Variants in LY96 observed in about 807,000 individuals in gnomAD.
LY96 encodes the protein myeloid differentiation protein-2.
In LY96, 18 loss-of-function variants were observed where a neutral mutation model predicts 18.9. The observed-to-expected ratio is 0.95, with a 90% CI of 0.66 to 1.41. The LOEUF (loss-of-function observed/expected upper bound fraction) is 1.41. Ranked by LOEUF, LY96 falls within the 40% of genes most tolerant of loss-of-function variation. The pLI, the probability that LY96 is intolerant of heterozygous loss-of-function variation, is 0.00. For synonymous variants in LY96, 66 were observed against 62.6 expected, an observed-to-expected ratio of 1.06 and a Z score of -0.26; for missense variants, 175 against 182.4, an observed-to-expected ratio of 0.96 and a Z score of 0.23.
chr8:74,028,625 G>A (rs1416841921), intron 4 of LY96, among the ~76,000 whole-genome samples: 1 of 152,034 alleles, frequency 6.6e-6, no homozygotes, highest in African/African-American at 2.4e-5. Context: ...GACATATCTA[G>A]TAATGAGATT....
the LY96 span, among the ~76,000 whole-genome samples, chr8:74,034,471 G>A: frequency 1.3e-5 from 2 of 152,058 alleles, no homozygotes; most frequent in Non-Finnish European, 2.9e-5. Flanking sequence ...CCCAACTTTT[G>A]TTTTTGAGTG....
At chr8:74,013,953 A>G (rs1274796481) in intron 3 of LY96, among the ~76,000 whole-genome samples, 4 of 151,950 alleles carry the variant, frequency 2.6e-5, no homozygotes, top group Non-Finnish European at 5.9e-5. Flanking sequence ...TAGCATCCAT[A>G]TGGCAGGAGG....
At chr8:74,084,989 T>C in the LY96 span, among the ~76,000 whole-genome samples, 1 of 152,354 alleles carries the variant, frequency 6.6e-6, no homozygotes, top group African/African-American at 2.4e-5. Flanking sequence ...AAAGTACAAA[T>C]GACAAATAAC....
rs773408470 is a variant in LY96, at chr8:74,010,032, C to G, written c.234C>G (p.Leu78=). The change falls in exon 3 of 5, where the codon CTC becomes CTG. Residue 78 remains leucine (L), a synonymous_variant. Coordinates refer to ENST00000284818, the MANE Select transcript of LY96 (RefSeq NM_015364.5). ...RRDLKQLYFN[L]YITVNTMNLP... is the part of the protein sequence containing the mutation. ...ATTTAAAGCAATTATATTTCAATCT[C>G]TATATAACTGTCAACACCATGAATC... 1.9e-6 allele frequency: 3 copies of G among 1,605,814 alleles called. No homozygotes were observed. The highest frequency in any genetic ancestry group is 2.7e-5 in the African/African-American group (2 of 74,744).
intron 1 of LY96, among the ~76,000 whole-genome samples, chr8:73,992,835 A>ACT (rs1816033400): frequency 9.8e-6 from 1 of 102,016 alleles, no homozygotes; most frequent in African/African-American, 4.5e-5. Flanking sequence ...TAATTATGCC[A>ACT]CTGTGTGTGT....
At chr8:73,991,721 A>G (rs1048821421) in intron 1 of LY96, among the ~76,000 whole-genome samples, 167 bp downstream of exon 1, 2 of 152,158 alleles carry the variant, frequency 1.3e-5, no homozygotes, top group Admixed American at 1.3e-4. Context: ...CTGCCCCATG[A>G]GAATGTTCTC....
intron 3 of LY96, among the ~76,000 whole-genome samples, chr8:74,013,133 C>CT (rs918540932): frequency 5.3e-5 from 8 of 149,868 alleles, no homozygotes; most frequent in African/African-American, 2.0e-4. Context: ...ATTTTTTTTT[C>CT]TTTTTTTTTG....
the LY96 span, among the ~76,000 whole-genome samples, chr8:74,043,148 A>G: frequency 6.6e-6 from 1 of 152,162 alleles, no homozygotes; most frequent in Non-Finnish European, 1.5e-5. Flanking sequence ...TCATTCACCA[A>G]CGCTTAATGT....
the LY96 span, among the ~76,000 whole-genome samples, chr8:74,068,083 A>ATATATATATATAT: frequency 3.2e-4 from 31 of 95,804 alleles, 1 homozygote; most frequent in African/African-American, 1.7e-3. Flanking sequence ...AAAAAAAAAA[A>ATATATATATATAT]AAAAAAATAT....
At chr8:74,079,184 A>G in the LY96 span, among the ~76,000 whole-genome samples, 3 of 152,194 alleles carry the variant, frequency 2.0e-5, no homozygotes, top group South Asian at 2.1e-4. Flanking sequence ...GAGCTGGGAC[A>G]TCTATCTTCT....
At chr8:74,010,958 A>G (rs182477068) in intron 3 of LY96, among the ~76,000 whole-genome samples, 7 of 151,684 alleles carry the variant, frequency 4.6e-5, no homozygotes, top group African/African-American at 1.7e-4. Flanking sequence ...GTGGAATTAC[A>G]TTGATATTTT....
chr8:74,015,382 T>G (rs1265909150), intron 3 of LY96, among the ~76,000 whole-genome samples: 1 of 152,162 alleles, frequency 6.6e-6, no homozygotes, highest in African/African-American at 2.4e-5. Flanking sequence ...GAGCTAGGCA[T>G]GGATCTGTTC....
At chr8:73,992,836 C>CTGTATG (rs1458068284) in intron 1 of LY96, among the ~76,000 whole-genome samples, 68 of 141,882 alleles carry the variant, frequency 4.8e-4, no homozygotes, top group South Asian at 6.9e-4. Context: ...AATTATGCCA[C>CTGTATG]TGTGTGTGTG....
the LY96 span, among the ~76,000 whole-genome samples, chr8:74,071,879 G>A: frequency 6.6e-6 from 1 of 152,116 alleles, no homozygotes; most frequent in Admixed American, 6.5e-5. Context: ...GTGTTGCATT[G>A]TGTGGATATA....
At position 73,996,377 on chromosome 8, in the gene LY96, CTTTCTTT is replaced by C. The variant is rs1816138710; in HGVS notation, c.112+4824_112+4830del. ...CCTTCCTTCCTTCCTTCATTCCTTT[CTTTCTTT>C]CTTTCTTTCTTTCTTTCTTTCTTTC... On this transcript the variant is annotated intron_variant, in intron 1 of 4. Transcript: ENST00000284818. 2.2e-3 allele frequency among the ~76,000 whole-genome samples: 66 copies of C among 30,234 alleles called. 2 individuals carry two copies. Among genetic ancestry groups the C allele is most frequent in the Middle Eastern group, 0.017 (1 of 58 alleles). The allele number at this position is 30,234 out of a possible 152,430, so 19.8% of individuals were successfully genotyped here. A position where few individuals can be genotyped will look rare whatever the true frequency, so the allele number is the denominator to read the frequency against.
chr8:74,010,314 C>T (rs1034100109), intron 3 of LY96, among the ~76,000 whole-genome samples, 185 bp downstream of exon 3: 2 of 152,094 alleles, frequency 1.3e-5, no homozygotes, highest in African/African-American at 2.4e-5. Flanking sequence ...TAGGATGACA[C>T]TTACATGATT....
At chr8:73,997,209 T>C (rs1816168219) in intron 1 of LY96, among the ~76,000 whole-genome samples, 1 of 152,196 alleles carries the variant, frequency 6.6e-6, no homozygotes, top group South Asian at 2.1e-4. Flanking sequence ...CCTAATTCCT[T>C]AGGCCCCAAA....
At chr8:74,050,174 C>G in the LY96 span, among the ~76,000 whole-genome samples, 1 of 152,096 alleles carries the variant, frequency 6.6e-6, no homozygotes, top group African/African-American at 2.4e-5. Flanking sequence ...GAAACCCCAT[C>G]TCTACTAAAA....
chr8:74,047,432 A>T, the LY96 span, among the ~76,000 whole-genome samples: 5 of 152,312 alleles, frequency 3.3e-5, no homozygotes, highest in South Asian at 1.0e-3. Context: ...GTTCAGGAGC[A>T]TTTCTTCACC....
Sources: gnomAD v4.1 joint callset for allele counts (sites outside exome capture counted in the v4.1 genomes callset) on GRCh38, gnomAD v4.1.1 for gene constraint, MANE v1.5 for transcripts, NCBI Gene and HGNC (gene_info 2026-07-23, HGNC 2026-07-21) for gene names.